RSPO4: variants seen among roughly 807,000 people sequenced by gnomAD.
The protein encoded by RSPO4 is R-spondin-4.
A neutral mutation model predicts 24.8 loss-of-function variants in RSPO4; 23 were observed. The ratio of observed to expected loss-of-function variants is 0.93; its 90% CI spans 0.67 to 1.31. The LOEUF is 1.31. Among genes scored for constraint, RSPO4 ranks in the 40% most tolerant of loss-of-function variants. The pLI is 0.00. For missense variants in RSPO4, 333 were observed against 316.5 expected (o/e 1.05, Z -0.39); for synonymous variants, 141 against 127.4 (o/e 1.11, Z -0.72).
chr20:964,755 CATATATAT>C (rs201245326), intron 3 of RSPO4, among the ~76,000 whole-genome samples: 26 of 131,800 alleles, frequency 2.0e-4, no homozygotes, highest in African/African-American at 9.6e-4. Flanking sequence ...TATATATACA[CATATATAT>C]ACACACACAC....
At chr20:964,680 A>ACG (rs1491406287) in intron 3 of RSPO4, among the ~76,000 whole-genome samples, 12 of 147,742 alleles carry the variant, frequency 8.1e-5, no homozygotes, top group African/African-American at 2.6e-4. Flanking sequence ...ACATATATAC[A>ACG]TGTATATATA....
chr20:974,337 G>A (rs60772188), intron 1 of RSPO4, among the ~76,000 whole-genome samples: 3,057 of 152,252 alleles, frequency 0.02, 93 homozygotes, highest in African/African-American at 0.069. Flanking sequence ...TCTCTTCCAG[G>A]ATGGGCCAAT....
At chr20:1,000,870 C>T (rs1311875886) in intron 1 of RSPO4, among the ~76,000 whole-genome samples, 1 of 152,188 alleles carries the variant, frequency 6.6e-6, no homozygotes, top group African/African-American at 2.4e-5. Context: ...GTCTCCCCAA[C>T]CCCATCCAAT....
rs973428801 is a variant in RSPO4, at chr20:981,275, A to C, written c.80-13137T>G. Among the ~76,000 whole-genome samples, 15 of 152,230 alleles carry C rather than the reference A, an allele frequency of 9.9e-5. No homozygotes were observed. The highest frequency in any genetic ancestry group is 1.8e-4 in the Non-Finnish European group (12 of 68,042). Reference sequence around the variant, plus strand: ...CACAGTGGCTCACGCCTGTAATCCCAGCACTTAGGGAGGCTGAGGCAGGTA... The same window carrying C: ...CACAGTGGCTCACGCCTGTAATCCCCGCACTTAGGGAGGCTGAGGCAGGTA... On this transcript the variant is annotated intron_variant, in intron 1 of 4. Coordinates refer to ENST00000217260, the MANE Select transcript of RSPO4 (RefSeq NM_001029871.4). The surrounding 1 kb of genome is among the most constrained non-coding windows in gnomAD (Gnocchi z 4.6).
intron 1 of RSPO4, among the ~76,000 whole-genome samples, chr20:993,315 C>T (rs1985170157): frequency 6.6e-6 from 1 of 152,240 alleles, no homozygotes. Flanking sequence ...CAGCATGGGA[C>T]AGCAGTGTCC....
rs1983918514 is a variant in RSPO4, at chr20:959,577, G to A, written c.*780C>T. ...GGGGCATGGAACCCATGAGAGGGAGGCCTGTGGGGGAGTGCCGATGAGGGT... is the reference window on the plus strand; with the variant it reads ...GGGGCATGGAACCCATGAGAGGGAGACCTGTGGGGGAGTGCCGATGAGGGT... On this transcript the variant is annotated 3_prime_UTR_variant, in exon 5 of 5. Coordinates refer to ENST00000217260, the MANE Select transcript of RSPO4 (RefSeq NM_001029871.4). 6.6e-6 allele frequency: 1 copy of A among 152,550 alleles called. No homozygotes were observed. The highest frequency in any genetic ancestry group is 1.5e-5 in the Non-Finnish European group (1 of 68,312). 9.4% of individuals were successfully genotyped at this position (152,550 alleles called of 1,614,324 possible). A position where few individuals can be genotyped will look rare whatever the true frequency, so the allele number is the denominator to read the frequency against.
intron 1 of RSPO4, among the ~76,000 whole-genome samples, chr20:993,473 G>C (rs1293564527): frequency 6.6e-6 from 1 of 152,202 alleles, no homozygotes; most frequent in Admixed American, 6.5e-5. Flanking sequence ...AGCCCACAGA[G>C]ACCTGGGAGC....
chr20:973,834 C>G (rs1444844370), intron 1 of RSPO4, among the ~76,000 whole-genome samples: 4 of 151,990 alleles, frequency 2.6e-5, no homozygotes, highest in Non-Finnish European at 5.9e-5. Flanking sequence ...GGTCAATACC[C>G]TGGTCTTTGA....
rs1985499033 is a variant in RSPO4, at chr20:1,002,304, C to T, written c.-140G>A. 3.5e-6 allele frequency: 1 copy of T among 287,456 alleles called. No individual in the cohort carries two copies. The highest frequency in any genetic ancestry group is 1.3e-4 in the South Asian group (1 of 7,600). The allele number at this position is 287,456 out of a possible 1,614,324, so 17.8% of individuals were successfully genotyped here. On this transcript the variant is annotated 5_prime_UTR_variant, in exon 1 of 5. Transcript: ENST00000217260. This position sits in a 1 kb window ranked among gnomAD's most constrained non-coding sequence, Gnocchi z 4.6. ...CGCCAGGCGCGGGTCGGTCCGGCCGCCAGGTCTAGTGAGGGCGTTGGCGGA... is the reference window on the plus strand; with the variant it reads ...CGCCAGGCGCGGGTCGGTCCGGCCGTCAGGTCTAGTGAGGGCGTTGGCGGA...
chr20:974,805 C>T (rs558123973), intron 1 of RSPO4, among the ~76,000 whole-genome samples: 51 of 152,252 alleles, frequency 3.3e-4, no homozygotes, highest in Middle Eastern at 6.8e-3. Context: ...CAGACAAAGA[C>T]CAAAAAGAGT....
At chr20:977,384 C>G (rs1398105694) in intron 1 of RSPO4, among the ~76,000 whole-genome samples, 1 of 152,182 alleles carries the variant, frequency 6.6e-6, no homozygotes, top group Non-Finnish European at 1.5e-5. Flanking sequence ...GTGACCTTGA[C>G]CCAGTGCCTT....
intron 1 of RSPO4, among the ~76,000 whole-genome samples, chr20:976,735 A>G (rs1984576543): frequency 6.6e-6 from 1 of 152,170 alleles, no homozygotes; most frequent in African/African-American, 2.4e-5. Context: ...TCGTCTCCTC[A>G]GTAGCCCAGT....
At chr20:961,596 C>T (rs1383028095) in intron 4 of RSPO4, among the ~76,000 whole-genome samples, 1 of 152,162 alleles carries the variant, frequency 6.6e-6, no homozygotes, top group Non-Finnish European at 1.5e-5. Flanking sequence ...AGGCCAACTC[C>T]CACTCTGAGC....
At chr20:985,308 TCCAC>T (rs1384105852) in intron 1 of RSPO4, among the ~76,000 whole-genome samples, 1 of 149,514 alleles carries the variant, frequency 6.7e-6, no homozygotes, top group Non-Finnish European at 1.5e-5. Context: ...CATCCATCTA[TCCAC>T]CCACCCACCC....
intron 1 of RSPO4, among the ~76,000 whole-genome samples, chr20:996,363 T>G (rs1186287097): frequency 6.6e-6 from 1 of 152,212 alleles, no homozygotes; most frequent in East Asian, 1.9e-4. Context: ...CTTCAGTTTT[T>G]TCACCAGATG....
rs189555070 is a variant in RSPO4, at chr20:992,383, C to T, written c.79+9703G>A. ...GGTGGGTCACTGTGCCACAGTCACACAGCACTTAGGACCACCCTATCCTCT... is the reference window on the plus strand; with the variant it reads ...GGTGGGTCACTGTGCCACAGTCACATAGCACTTAGGACCACCCTATCCTCT... On this transcript the variant is annotated intron_variant, in intron 1 of 4. Coordinates refer to ENST00000217260, the MANE Select transcript of RSPO4 (RefSeq NM_001029871.4). Among the ~76,000 whole-genome samples the T allele has an allele frequency of 3.3e-5, 5 of 151,186 alleles. No homozygotes were observed. The East Asian group carries it at 9.8e-4, about 30-fold the overall frequency.
chr20:960,355 G>T lies in RSPO4; in HGVS notation c.*2C>A, dbSNP rs113093200. Reference sequence around the variant, plus strand: ...GGACCAGAGAGTCGGGAGAGCCGGCGGTCAGGGCTGCAGGCCGGGCTGGCG... The same window carrying T: ...GGACCAGAGAGTCGGGAGAGCCGGCTGTCAGGGCTGCAGGCCGGGCTGGCG... On this transcript the variant is annotated 3_prime_UTR_variant, in exon 5 of 5. Transcript: ENST00000217260. 1 of 1,533,704 alleles carries T rather than the reference G, an allele frequency of 6.5e-7. No homozygotes were observed. The highest frequency in any genetic ancestry group is 8.7e-7 in the Non-Finnish European group (1 of 1,144,308).
chr20:969,437 G>A (rs73892588), intron 1 of RSPO4, among the ~76,000 whole-genome samples: 3,544 of 152,320 alleles, frequency 0.023, 115 homozygotes, highest in African/African-American at 0.071. Context: ...AAGACAGGGG[G>A]TGCCTGCAAG....
intron 1 of RSPO4, among the ~76,000 whole-genome samples, chr20:977,752 A>G (rs1362935166): frequency 2.0e-5 from 3 of 152,152 alleles, no homozygotes; most frequent in Non-Finnish European, 2.9e-5. Flanking sequence ...GGATGGGGAA[A>G]GAGAGAAAGA....
Sources: gnomAD v4.1 joint callset for allele counts (sites outside exome capture counted in the v4.1 genomes callset) on GRCh38, gnomAD v4.1.1 for gene constraint, Gnocchi (gnomAD v3.1) non-coding constraint, MANE v1.5 for transcripts, NCBI Gene and HGNC (gene_info 2026-07-23, HGNC 2026-07-21) for gene names.